The following F5 variants were observed in gnomAD, a reference collection of about 807,000 sequenced individuals.
F5 encodes activated protein c cofactor.
Under a neutral mutation model 216.4 loss-of-function variants are expected in F5, and 138 were observed. The ratio of observed to expected loss-of-function variants is 0.64; its 90% CI spans 0.56 to 0.73. The LOEUF (loss-of-function observed/expected upper bound fraction) is 0.73, where lower values mean the gene tolerates loss of function less well. F5 is among the 30% of genes least tolerant of loss of function. F5 has a pLI of 0.00. For synonymous variants in F5, 916 were observed against 930.7 expected (o/e 0.98, Z 0.29); for missense variants, 2,403 against 2,674.0 (o/e 0.90, Z 2.24).
In F5 at chr1:169,560,546, G is replaced by A; in HGVS notation, c.586+8C>T. ...AGTTGTTGAATCTTTTGGTGGGGGTGTTCTTACCTTTTTTACAGATAAGCA... is the reference window on the plus strand; with the variant it reads ...AGTTGTTGAATCTTTTGGTGGGGGTATTCTTACCTTTTTTACAGATAAGCA... On this transcript the variant is annotated splice_region_variant and intron_variant, in intron 4 of 24. Transcript: ENST00000367797. 1.2e-6 allele frequency: 2 copies of A among 1,612,980 alleles called. No homozygotes were observed.
chr1:169,536,487 CA>C lies in F5; in HGVS notation c.4971+18del. ...GTGGAAATTCCTCCGAAGATCTTAG[CA>C]GTGCTCAAAAGACTTACTTGGATAA... On this transcript the variant is annotated intron_variant, in intron 14 of 24. Coordinates refer to ENST00000367797, the MANE Select transcript of F5 (RefSeq NM_000130.5). 1.9e-6 allele frequency: 3 copies of C among 1,609,526 alleles called. No individual in the cohort carries two copies. Among genetic ancestry groups the C allele is most frequent in the Non-Finnish European group, 2.6e-6 (3 of 1,176,296 alleles).
rs1659856687 is a variant in F5, at chr1:169,541,705, T to A, written c.3385A>T (p.Thr1129Ser). ...QTVPPEEHYQ[T>S]FPIQDPDQMH... Reference sequence around the variant, plus strand: ...TGATCAGGGTCTTGAATGGGGAATGTTTGATAGTGTTCCTCTGGGGGCACT... The same window carrying A: ...TGATCAGGGTCTTGAATGGGGAATGATTGATAGTGTTCCTCTGGGGGCACT... Residue 1129 changes from threonine (T) to serine (S), a missense_variant, in exon 13 of 25, where the codon ACA (threonine) becomes TCA (serine). Thr to Ser is a moderately conservative substitution (Grantham distance 58). Coordinates refer to ENST00000367797, the MANE Select transcript of F5 (RefSeq NM_000130.5). 6.2e-7 allele frequency: 1 copy of A among 1,613,958 alleles called. No homozygotes were observed. Among genetic ancestry groups the A allele is most frequent in the African/African-American group, 1.3e-5 (1 of 74,918 alleles).
intron 2 of F5, among the ~76,000 whole-genome samples, chr1:169,574,240 A>C (rs1660791713): frequency 6.6e-6 from 1 of 151,242 alleles, no homozygotes; most frequent in South Asian, 2.1e-4. Flanking sequence ...TAGAATTTCC[A>C]AAGTGTAGTC....
chr1:169,533,026 A>T (rs190458494), intron 14 of F5, among the ~76,000 whole-genome samples: 1 of 152,332 alleles, frequency 6.6e-6, no homozygotes, highest in Admixed American at 6.5e-5. Flanking sequence ...ATACAAAAAC[A>T]GACACATAGG....
rs1557927068 is a variant in F5, at chr1:169,562,011, C to T, written c.374-1245G>A. ...CTTCCCTATTCCCCACCCTCCTTCC[C>T]TCTCTTTCTTCCTTTCATTATCCTC... On this transcript the variant is annotated intron_variant, in intron 3 of 24. Transcript: ENST00000367797. 2.0e-5 allele frequency among the ~76,000 whole-genome samples: 3 copies of T among 151,826 alleles called. No homozygotes were observed. The East Asian group carries it at 5.8e-4, about 29-fold the overall frequency.
chr1:169,520,549 C>G lies in F5; in HGVS notation c.6164G>C (p.Arg2055Pro). Residue 2055 changes from arginine (R) to proline (P), a missense_variant, in exon 22 of 25, where the codon CGA (arginine) becomes CCA (proline). Arg to Pro is a moderately radical substitution (Grantham distance 103). Transcript: ENST00000367797. ...TACCTCACAACCTTGCAGTTCCAAT[C>G]GAAGGGTAGGTCTGTTATAGGCTCG... Reference protein sequence around the residue: ...PTRAYNRPTLRLELQGCEVNG... With the variant: ...PTRAYNRPTLPLELQGCEVNG... The G allele has an allele frequency of 6.2e-7, 1 of 1,613,972 alleles. No homozygotes were observed. Among genetic ancestry groups the G allele is most frequent in the Non-Finnish European group, 8.5e-7 (1 of 1,179,940 alleles).
rs771141008 is a variant in F5, at chr1:169,541,706, T to C, written c.3384A>G (p.Gln1128=). 6.2e-7 allele frequency: 1 copy of C among 1,614,090 alleles called. No homozygotes were observed. Among genetic ancestry groups the C allele is most frequent in the Non-Finnish European group, 8.5e-7 (1 of 1,179,988 alleles). Residue 1128 remains glutamine, a synonymous_variant, in exon 13 of 25, where the codon CAA becomes CAG. Transcript: ENST00000367797. Reference sequence around the variant, plus strand: ...GATCAGGGTCTTGAATGGGGAATGTTTGATAGTGTTCCTCTGGGGGCACTG... The same window carrying C: ...GATCAGGGTCTTGAATGGGGAATGTCTGATAGTGTTCCTCTGGGGGCACTG... ...YQTVPPEEHY[Q]TFPIQDPDQM...
intron 6 of F5, among the ~76,000 whole-genome samples, chr1:169,556,062 A>G (rs1316616668): frequency 8.5e-5 from 13 of 152,148 alleles, no homozygotes; most frequent in Admixed American, 8.5e-4. Context: ...ACAATCAGTT[A>G]TTTTGTTTAC....
At chr1:169,573,784 C>T (rs9332513) in intron 2 of F5, among the ~76,000 whole-genome samples, 37,300 of 151,972 alleles carry the variant, frequency 0.25, 5,388 homozygotes, top group South Asian at 0.36. Context: ...ATGATAGGAG[C>T]GACTGCTGAG....
At chr1:169,563,879 G>GT (rs1362056963) in intron 3 of F5, among the ~76,000 whole-genome samples, 1 of 151,942 alleles carries the variant, frequency 6.6e-6, no homozygotes, top group Non-Finnish European at 1.5e-5. Context: ...AATCTGTTGA[G>GT]TTTTTTCTTG....
chr1:169,515,595 T>C lies in F5; in HGVS notation c.6377A>G (p.Asp2126Gly). Residue 2126 changes from aspartate (D) to glycine (G), a missense_variant, in exon 24 of 25, where the codon GAT (aspartate) becomes GGT (glycine). Asp to Gly is a moderately conservative substitution (Grantham distance 94, BLOSUM62 -1). This residue lies in a region of F5 where 659 missense variants were observed against 787.9 expected (regional missense o/e 0.84). Transcript: ENST00000367797. ...CGTTATCTTCTTGATCTTGAGTAGA[T>C]CAATTTCTAGCCACTGCTTATTGTT... ...ANNNKQWLEI[D>G]LLKIKKITAI... The C allele has an allele frequency of 1.2e-6, 2 of 1,613,192 alleles. No individual in the cohort carries two copies. Among genetic ancestry groups the C allele is most frequent in the Non-Finnish European group, 1.7e-6 (2 of 1,179,610 alleles).
intron 1 of F5, among the ~76,000 whole-genome samples, chr1:169,584,763 G>T (rs1661065672): frequency 6.6e-6 from 1 of 152,154 alleles, no homozygotes; most frequent in Non-Finnish European, 1.5e-5. Context: ...ATGATTTAGG[G>T]TTAAACAATA....
chr1:169,573,464 T>G (rs975842277), intron 2 of F5, among the ~76,000 whole-genome samples: 12 of 152,072 alleles, frequency 7.9e-5, no homozygotes, highest in Non-Finnish European at 1.6e-4. Flanking sequence ...CAGAACGTGA[T>G]GAGTAGTGGT....
At chr1:169,539,598 A>G (rs1384125671) in intron 13 of F5, among the ~76,000 whole-genome samples, 1 of 152,164 alleles carries the variant, frequency 6.6e-6, no homozygotes, top group Non-Finnish European at 1.5e-5. Flanking sequence ...CACACCATAC[A>G]TTGTGTTTGC....
At chr1:169,577,736 A>T (rs1443101786) in intron 2 of F5, among the ~76,000 whole-genome samples, 2 of 151,212 alleles carry the variant, frequency 1.3e-5, no homozygotes, top group East Asian at 3.9e-4. Context: ...CACTATGCCC[A>T]GCCAAGACTA....
At chr1:169,515,676 C>CA in intron 23 of F5, 50 bp from the exon 24 acceptor site, 4 of 1,574,304 alleles carry the variant, frequency 2.5e-6, no homozygotes, top group Non-Finnish European at 2.6e-6. Context: ...AAAACCTTTG[C>CA]TTTTTTTTTA....
Position 169,555,222 on chromosome 1 carries a change from T to C in F5, c.1078A>G (p.Ile360Val). The C allele has an allele frequency of 1.2e-6, 2 of 1,614,126 alleles. No individual in the cohort carries two copies. Among genetic ancestry groups the C allele is most frequent in the Non-Finnish European group, 1.7e-6 (2 of 1,180,014 alleles). Reference protein sequence around the residue: ...WEYFIAAEEVIWDYAPVIPAN... With the variant: ...WEYFIAAEEVVWDYAPVIPAN... ...GGTATTACAGGTGCATAGTCCCAAA[T>C]GACTTCCTCTGCAGCAATGAAGTAT... Residue 360 changes from isoleucine to valine, a missense_variant, in exon 7 of 25, where the codon ATT becomes GTT. Ile to Val is a conservative substitution (Grantham distance 29, BLOSUM62 3). Transcript: ENST00000367797.
intron 7 of F5, among the ~76,000 whole-genome samples, chr1:169,553,977 G>T (rs910530166): frequency 1.3e-5 from 2 of 152,156 alleles, no homozygotes; most frequent in African/African-American, 2.4e-5. Context: ...ATTTTTCCCA[G>T]TGGAAAGCAC....
Position 169,556,645 on chromosome 1 carries a change from C to T in F5, c.952+1G>A. On this transcript the variant is annotated splice_donor_variant, in intron 6 of 24. Transcript: ENST00000367797. LOFTEE classifies it high-confidence loss of function. ...GCAAGACTGTCAGGAGAGTTTCTTGCCTTGCAAATGTTTTGGGGTGAGAGA... is the reference window on the plus strand; with the variant it reads ...GCAAGACTGTCAGGAGAGTTTCTTGTCTTGCAAATGTTTTGGGGTGAGAGA... The T allele has an allele frequency of 6.2e-7, 1 of 1,613,646 alleles. No individual in the cohort carries two copies. Among genetic ancestry groups the T allele is most frequent in the Non-Finnish European group, 8.5e-7 (1 of 1,179,754 alleles).
Sources: allele counts gnomAD v4.1 joint callset (sites outside exome capture counted in the v4.1 genomes callset), GRCh38; gene constraint gnomAD v4.1.1; regional missense constraint gnomAD v4.1.1; transcripts MANE v1.5; gene names NCBI Gene and HGNC (gene_info 2026-07-23, HGNC 2026-07-21).